Variants in CCHCR1 observed in about 807,000 individuals in gnomAD.
The protein encoded by CCHCR1 is HCR (a-helix coiled-coil rod homologue).
A neutral mutation model predicts 114.6 loss-of-function variants in CCHCR1; 91 were observed. The ratio of observed to expected loss-of-function variants is 0.79; its 90% CI spans 0.67 to 0.94. The LOEUF is 0.94. Ranked by LOEUF, CCHCR1 falls within the 40% of genes least tolerant of loss-of-function variation. The pLI is 0.00. For synonymous variants in CCHCR1, 379 were observed against 428.5 expected (o/e 0.88, Z 1.43); for missense variants, 899 against 1,079.9 (o/e 0.83, Z 2.35).
At position 31,157,426 on chromosome 6, in the gene CCHCR1, G is replaced by C; in HGVS notation, c.175C>G (p.Leu59Val). 1.9e-6 allele frequency: 3 copies of C among 1,613,070 alleles called. No individual in the cohort carries two copies. Among genetic ancestry groups the C allele is most frequent in the Non-Finnish European group, 2.5e-6 (3 of 1,180,024 alleles). Residue 59 changes from leucine (L) to valine (V), a missense_variant, in exon 1 of 18, where the codon CTG becomes GTG. By Grantham distance (32) the Leu-to-Val change is conservative (BLOSUM62 1). Transcript: ENST00000396268. ...CTATGGTCCCTGCTGCTCCTGGCCA[G>C]AGGTGAGAAAGGAGGTACACAGTGC... ...PLHCVPPFSP[L>V]ARSSRDHRNL...
rs1171867835 is a variant in CCHCR1, at chr6:31,145,441, A to G, written c.1739+7T>C. 6.2e-7 allele frequency: 1 copy of G among 1,614,096 alleles called. No individual in the cohort carries two copies. The highest frequency in any genetic ancestry group is 1.7e-5 in the Admixed American group (1 of 60,016). On this transcript the variant is annotated splice_region_variant and intron_variant, in intron 12 of 17. Coordinates refer to ENST00000396268, the MANE Select transcript of CCHCR1 (RefSeq NM_001105564.2). The stretch of plus-strand genomic sequence containing the variant: ...GCCCCATCCACCTCAAAGTGCCCAA[A>G]CTTCACCTCTCCTGGCGCAGCTGAG...
At position 31,148,918 on chromosome 6, in the gene CCHCR1, G is replaced by A. The variant is rs375153735; in HGVS notation, c.1363-190C>T. On this transcript the variant is annotated intron_variant, in intron 8 of 17. Transcript: ENST00000396268. The stretch of plus-strand genomic sequence containing the variant: ...TGTAATCCCAGCACTTTGGGAGGCC[G>A]AGGCAGATGGATCACTTGAGGTCAG... Among the ~76,000 whole-genome samples the A allele has an allele frequency of 3.6e-4, 55 of 152,166 alleles. No homozygotes were observed. In the East Asian group the frequency reaches 3.7e-3, roughly 10 times the overall value.
At chr6:31,155,612 G>A (rs1288632133) in intron 3 of CCHCR1, among the ~76,000 whole-genome samples, 10 of 58,110 alleles carry the variant, frequency 1.7e-4, no homozygotes, top group African/African-American at 3.1e-4. Context: ...TCAAAAAAAA[G>A]GCATTTATTG....
intron 4 of CCHCR1, among the ~76,000 whole-genome samples, chr6:31,152,863 C>T (rs1775444241): frequency 6.6e-6 from 1 of 152,142 alleles, no homozygotes; most frequent in Non-Finnish European, 1.5e-5. Flanking sequence ...ACACTCAGTG[C>T]CCCTCATCTC....
intron 4 of CCHCR1, among the ~76,000 whole-genome samples, chr6:31,152,843 G>A: frequency 6.6e-6 from 1 of 152,040 alleles, no homozygotes; most frequent in Non-Finnish European, 1.5e-5. Flanking sequence ...TGGGCCCTGG[G>A]CTCTGCAGCA....
chr6:31,156,845 T>C lies in CCHCR1; in HGVS notation c.383A>G (p.Gln128Arg). The C allele has an allele frequency of 6.2e-7, 1 of 1,612,930 alleles. No individual in the cohort carries two copies. Among genetic ancestry groups the C allele is most frequent in the Non-Finnish European group, 8.5e-7 (1 of 1,180,012 alleles). ...TGAGACATCTTGATGGCCTGGGGGT[T>C]GGACCAGGGGAATGTCTGAGAGCCA... ...PTWLSDIPLV[Q>R]PPGHQDVSER... is the part of the protein sequence containing the mutation. Residue 128 changes from glutamine to arginine, a missense_variant, in exon 3 of 18, where the codon CAA becomes CGA. Gln to Arg is a conservative substitution (Grantham distance 43). Coordinates refer to ENST00000396268, the MANE Select transcript of CCHCR1 (RefSeq NM_001105564.2).
intron 17 of CCHCR1, 70 bp from the exon 18 acceptor site, chr6:31,142,786 G>A (rs1773724630): frequency 6.4e-7 from 1 of 1,571,126 alleles, no homozygotes; most frequent in Non-Finnish European, 8.7e-7. Context: ...AAACAGGGCT[G>A]GCACAGGAAA....
At chr6:31,152,634 C>T (rs899784698) in intron 4 of CCHCR1, among the ~76,000 whole-genome samples, 1 of 152,186 alleles carries the variant, frequency 6.6e-6, no homozygotes, top group African/African-American at 2.4e-5. Context: ...CAACCATGCC[C>T]AGCCCTAATT....
chr6:31,156,664 A>T, intron 3 of CCHCR1, 67 bp downstream of exon 3: 2 of 1,341,102 alleles, frequency 1.5e-6, no homozygotes, highest in South Asian at 1.2e-5. Flanking sequence ...TAGGGTAAGG[A>T]GTTTATTCCA....
At chr6:31,157,926 A>C, upstream of CCHCR1, 9 of 386,614 alleles carry the variant, frequency 2.3e-5, no homozygotes, top group Non-Finnish European at 3.8e-5. Flanking sequence ...CCTCACCCCC[A>C]TCTCTCAATA....
At position 31,157,505 on chromosome 6, in the gene CCHCR1, G is replaced by A. The variant is rs769226643; in HGVS notation, c.96C>T (p.Pro32=). Residue 32 remains proline (P), a synonymous_variant, in exon 1 of 18, where the codon CCC becomes CCT. Coordinates refer to ENST00000396268, the MANE Select transcript of CCHCR1 (RefSeq NM_001105564.2). ...CTCTCCATGGCTCAGCAAGGCCTGA[G>A]GGAAGCCCATCCAGACACCAGCAGG... ...VMACWCLDGL[P]SGLAEPWREL... is the part of the protein sequence containing the mutation. The A allele has an allele frequency of 6.2e-6, 10 of 1,612,988 alleles. No individual in the cohort carries two copies. Among genetic ancestry groups the A allele is most frequent in the South Asian group, 1.1e-5 (1 of 91,078 alleles).
At chr6:31,145,398 A>G in intron 12 of CCHCR1, 50 bp downstream of exon 12, 2 of 1,613,206 alleles carry the variant, frequency 1.2e-6, no homozygotes, top group Non-Finnish European at 8.5e-7. Flanking sequence ...TGGGGGTCCC[A>G]GCAGCCAATG....
At position 31,157,021 on chromosome 6, in the gene CCHCR1, A is replaced by G; in HGVS notation, c.283+2T>C. 1 of 1,612,262 alleles carries G rather than the reference A, an allele frequency of 6.2e-7. No homozygotes were observed. Among genetic ancestry groups the G allele is most frequent in the Middle Eastern group, 1.7e-4 (1 of 6,060 alleles). On this transcript the variant is annotated splice_donor_variant, in intron 2 of 17. Coordinates refer to ENST00000396268, the MANE Select transcript of CCHCR1 (RefSeq NM_001105564.2). LOFTEE classifies it high-confidence loss of function. ...CCACTCCCCTTGTCTGGTCCCACTGACCTGAAGGTGGAAACATCTCCACAT... is the reference window on the plus strand; with the variant it reads ...CCACTCCCCTTGTCTGGTCCCACTGGCCTGAAGGTGGAAACATCTCCACAT...
Position 31,157,516 on chromosome 6 carries a change from C to G in CCHCR1, c.85G>C (p.Asp29His). 1 of 1,613,028 alleles carries G rather than the reference C, an allele frequency of 6.2e-7. No homozygotes were observed. Among genetic ancestry groups the G allele is most frequent in the Non-Finnish European group, 8.5e-7 (1 of 1,180,018 alleles). The change falls in exon 1 of 18, where the codon GAT becomes CAT. Residue 29 changes from aspartate (D) to histidine (H), a missense_variant. Coordinates refer to ENST00000396268, the MANE Select transcript of CCHCR1 (RefSeq NM_001105564.2). ...DPRVMACWCLDGLPSGLAEPW... is the reference protein window; with the variant it reads ...DPRVMACWCLHGLPSGLAEPW... ...TCAGCAAGGCCTGAGGGAAGCCCAT[C>G]CAGACACCAGCAGGCCATGACTCTT...
Position 31,142,702 on chromosome 6 carries a change from G to C in CCHCR1, c.2506C>G (p.Leu836Val). 1.2e-6 allele frequency: 2 copies of C among 1,609,396 alleles called. No homozygotes were observed. Among genetic ancestry groups the C allele is most frequent in the Non-Finnish European group, 1.7e-6 (2 of 1,178,088 alleles). Residue 836 changes from leucine to valine, a missense_variant, in exon 18 of 18, where the codon CTG (leucine) becomes GTG (valine). By Grantham distance (32) the Leu-to-Val change is conservative. Coordinates refer to ENST00000396268, the MANE Select transcript of CCHCR1 (RefSeq NM_001105564.2). ...RESIKGSLSV[L>V]LDDLQDLSEA... ...CTCAGGTCCTGCAGGTCATCGAGCAGGACAGAGAGGGACCCTGGGAAGGAA... is the reference window on the plus strand; with the variant it reads ...CTCAGGTCCTGCAGGTCATCGAGCACGACAGAGAGGGACCCTGGGAAGGAA...
At chr6:31,152,295 AAAC>A (rs1194794380) in intron 4 of CCHCR1, among the ~76,000 whole-genome samples, 1 of 151,844 alleles carries the variant, frequency 6.6e-6, no homozygotes, top group Non-Finnish European at 1.5e-5. Context: ...AAAAAAAAAA[AAAC>A]AACCTTTCAA....
At position 31,144,850 on chromosome 6, in the gene CCHCR1, C is replaced by T; in HGVS notation, c.2065+35G>A. On this transcript the variant is annotated intron_variant, in intron 14 of 17. Transcript: ENST00000396268. This position sits in a 1 kb window ranked among gnomAD's most constrained non-coding sequence, Gnocchi z 4.6. Reference sequence around the variant, plus strand: ...GCTTTGATTCGCAGTTCCCACCCCACCCTCCAAGGGAAGCACCCATTTCCC... The same window carrying T: ...GCTTTGATTCGCAGTTCCCACCCCATCCTCCAAGGGAAGCACCCATTTCCC... 1.2e-6 allele frequency: 2 copies of T among 1,610,116 alleles called. No individual in the cohort carries two copies. The highest frequency in any genetic ancestry group is 1.1e-5 in the South Asian group (1 of 90,998).
intron 10 of CCHCR1, among the ~76,000 whole-genome samples, chr6:31,147,461 G>A (rs964546939): frequency 1.3e-5 from 2 of 151,502 alleles, no homozygotes; most frequent in Non-Finnish European, 2.9e-5. Context: ...CTAAGGCTGA[G>A]GGGAAGTCAT....
intron 10 of CCHCR1, among the ~76,000 whole-genome samples, chr6:31,147,878 C>T (rs9263756): frequency 0.16 from 24,141 of 151,958 alleles, 2,033 homozygotes; most frequent in South Asian, 0.17. Flanking sequence ...ACTCGGGAGG[C>T]TGAGGCAGGA....
Sources: gnomAD v4.1 joint callset for allele counts (sites outside exome capture counted in the v4.1 genomes callset) on GRCh38, gnomAD v4.1.1 for gene constraint, Gnocchi (gnomAD v3.1) non-coding constraint, MANE v1.5 for transcripts, NCBI Gene and HGNC (gene_info 2026-07-23, HGNC 2026-07-21) for gene names.